HMCN2: variants seen among roughly 807,000 people sequenced by gnomAD.
The protein encoded by HMCN2 is hemicentin 2, also known as hemicentin-2.
A neutral mutation model predicts 377.5 loss-of-function variants in HMCN2; 325 were observed. The observed-to-expected ratio is 0.86, with a 90% CI of 0.79 to 0.94. The LOEUF is 0.94. Among genes scored for constraint, HMCN2 ranks in the 40% least tolerant of loss-of-function variants. HMCN2 has a pLI of 0.00. For missense variants in HMCN2, 4,543 were observed against 4,725.3 expected (o/e 0.96, Z 1.13); for synonymous variants, 2,007 against 2,046.8 (o/e 0.98, Z 0.53).
chr9:130,412,120 C>T (rs999609814), intron 85 of HMCN2, among the ~76,000 whole-genome samples: 14 of 151,736 alleles, frequency 9.2e-5, no homozygotes, highest in Non-Finnish European at 2.1e-4. Context: ...TATAGGCGCA[C>T]GCCACCACAC....
In HMCN2 at chr9:130,308,487, C is replaced by A. The variant is rs56163132; in HGVS notation, c.2200+921C>A. ...CTTTCTGGGAGCAGTACGCTGGGCT[C>A]CCTCTCGAGGGTCAACCGGGGTCAG... On this transcript the variant is annotated intron_variant, in intron 14 of 97. Transcript: ENST00000683500. This position sits in a 1 kb window ranked among gnomAD's most constrained non-coding sequence, Gnocchi z 4.1. Among the ~76,000 whole-genome samples, 5,305 of 152,218 alleles carry A rather than the reference C, an allele frequency of 0.035. 137 individuals carry two copies. Among genetic ancestry groups the A allele is most frequent in the Middle Eastern group, 0.099 (29 of 294 alleles).
chr9:130,293,351 T>C (rs934830517), intron 4 of HMCN2, among the ~76,000 whole-genome samples: 4 of 138,926 alleles, frequency 2.9e-5, no homozygotes, highest in Non-Finnish European at 6.1e-5. Flanking sequence ...CCGCCGGGTT[T>C]GGAATTCACT....
intron 70 of HMCN2, 25 bp downstream of exon 70, chr9:130,395,133 G>GGGGC: frequency 2.2e-6 from 1 of 453,798 alleles, no homozygotes; most frequent in Non-Finnish European, 3.9e-6. Flanking sequence ...TGGGGTGGGG[G>GGGGC]CAGGGCCGGG....
At position 130,371,051 on chromosome 9, in the gene HMCN2, T is replaced by C. The variant is rs2131596735; in HGVS notation, c.7157T>C (p.Met2386Thr). The C allele has an allele frequency of 2.0e-6, 2 of 985,920 alleles. No homozygotes were observed. The highest frequency in any genetic ancestry group is 4.7e-5 in the South Asian group (1 of 21,280). The allele number at this position is 985,920 out of a possible 1,614,324, so 61.1% of individuals were successfully genotyped here. The change falls in exon 46 of 98, where the codon ATG (methionine) becomes ACG (threonine). Residue 2386 changes from methionine (M) to threonine (T), a missense_variant. By Grantham distance (81) the Met-to-Thr change is moderately conservative. Around this residue, in one of 5 missense-constraint regions of HMCN2, gnomAD observed 1,032 missense variants for 1,285.1 expected, o/e 0.80. Coordinates refer to ENST00000683500, the MANE Select transcript of HMCN2 (RefSeq NM_001291815.2). ...HSPLTLLCEAMGIPPPAIRWF... is the reference protein window; with the variant it reads ...HSPLTLLCEATGIPPPAIRWF... ...CCCTTAACTCTGCTCTGTGAAGCCA[T>C]GGGGATCCCACCTCCAGCCATCCGC... is the stretch of plus-strand genomic sequence containing the variant.
At chr9:130,294,157 G>C (rs1554931071) in intron 4 of HMCN2, among the ~76,000 whole-genome samples, 2 of 152,156 alleles carry the variant, frequency 1.3e-5, no homozygotes, top group African/African-American at 4.8e-5. Context: ...GTATCTCTGA[G>C]GGAGTTTGGG....
chr9:130,408,144 T>C (rs1843201568), intron 83 of HMCN2, among the ~76,000 whole-genome samples: 1 of 152,238 alleles, frequency 6.6e-6, no homozygotes, highest in East Asian at 1.9e-4. Flanking sequence ...TGACAACGTG[T>C]CTTAGTTTGC....
At chr9:130,318,512 C>A (rs1485838634) in intron 15 of HMCN2, among the ~76,000 whole-genome samples, 2 of 152,136 alleles carry the variant, frequency 1.3e-5, no homozygotes, top group Non-Finnish European at 2.9e-5. Context: ...GAAATAACTT[C>A]TTTTTTTCTT....
chr9:130,395,327 C>G lies in HMCN2; in HGVS notation c.10891C>G (p.Arg3631Gly). 7.8e-7 allele frequency: 1 copy of G among 1,288,968 alleles called. No individual in the cohort carries two copies. 79.8% of individuals were successfully genotyped at this position (1,288,968 alleles called of 1,614,324 possible). A position where few individuals can be genotyped will look rare whatever the true frequency, so the allele number is the denominator to read the frequency against. ...AEPAPKITWH[R>G]DGIVLQEDAH... ...GCCAGCGCCCAAGATCACGTGGCAC[C>G]GAGACGGCATTGTGCTGCAGGTGGG... The change falls in exon 71 of 98, where the codon CGA (arginine) becomes GGA (glycine). Residue 3631 changes from arginine (R) to glycine (G), a missense_variant. Arg to Gly is a moderately radical substitution (Grantham distance 125). Transcript: ENST00000683500.
Position 130,395,972 on chromosome 9 carries a change from C to G in HMCN2, c.10960C>G (p.Gln3654Glu). 7.8e-7 allele frequency: 1 copy of G among 1,287,602 alleles called. No homozygotes were observed. The highest frequency in any genetic ancestry group is 1.0e-6 in the Non-Finnish European group (1 of 988,750). The allele number at this position is 1,287,602 out of a possible 1,614,324, so 79.8% of individuals were successfully genotyped here. A position where few individuals can be genotyped will look rare whatever the true frequency, so the allele number is the denominator to read the frequency against. The change falls in exon 72 of 98, where the codon CAG becomes GAG. Residue 3654 changes from glutamine to glutamate, a missense_variant. Around this residue, in one of 5 missense-constraint regions of HMCN2, gnomAD observed 1,073 missense variants for 1,319.5 expected, o/e 0.81. Transcript: ENST00000683500. ...GGAGCGGGGCAGGTTCCTCCAGCTG[C>G]AGGCCCTGAGCACGGCTGACAGCGG... ...FPERGRFLQL[Q>E]ALSTADSGDY...
At chr9:130,372,711 A>G (rs1241673145) in intron 47 of HMCN2, among the ~76,000 whole-genome samples, 1 of 152,230 alleles carries the variant, frequency 6.6e-6, no homozygotes, top group Non-Finnish European at 1.5e-5. Context: ...ACTCCAGCCC[A>G]GGTGACAAGA....
Position 130,396,315 on chromosome 9 carries a change from T to C in HMCN2, c.11198+2T>C. 7.9e-7 allele frequency: 1 copy of C among 1,266,502 alleles called. No homozygotes were observed. Among genetic ancestry groups the C allele is most frequent in the South Asian group, 1.2e-5 (1 of 80,304 alleles). 78.5% of individuals were successfully genotyped at this position (1,266,502 alleles called of 1,614,324 possible). A position where few individuals can be genotyped will look rare whatever the true frequency, so the allele number is the denominator to read the frequency against. ...CCCCCTGGATCCCAGGAGCCCCAGGTGGGAGAGGGAAGGGGTGGGCCTCAG... is the reference window on the plus strand; with the variant it reads ...CCCCCTGGATCCCAGGAGCCCCAGGCGGGAGAGGGAAGGGGTGGGCCTCAG... On this transcript the variant is annotated splice_donor_variant, in intron 73 of 97. Transcript: ENST00000683500. LOFTEE classifies it high-confidence loss of function.
rs762847064 is a variant in HMCN2, at chr9:130,422,829, G to C, written c.13381+103G>C. 2.0e-6 allele frequency: 2 copies of C among 999,132 alleles called. No individual in the cohort carries two copies. The highest frequency in any genetic ancestry group is 8.5e-5 in the Admixed American group (2 of 23,404). 61.9% of individuals were successfully genotyped at this position (999,132 alleles called of 1,614,324 possible). ...CTAGGAGGCGCAGAGCCTGTGCCCC[G>C]AGACTTGCTCAAGGCCTGATGACCA... On this transcript the variant is annotated intron_variant, in intron 87 of 97. Transcript: ENST00000683500. The surrounding 1 kb of genome is among the most constrained non-coding windows in gnomAD (Gnocchi z 4.2).
chr9:130,329,488 G>T (rs1838308521), intron 22 of HMCN2, among the ~76,000 whole-genome samples: 1 of 147,918 alleles, frequency 6.8e-6, no homozygotes, highest in Non-Finnish European at 1.5e-5. Flanking sequence ...CTGTTGCCAG[G>T]CTGGAGTGCA....
At chr9:130,348,717 A>C (rs1490533010) in intron 27 of HMCN2, 42 bp downstream of exon 27, 3 of 1,298,234 alleles carry the variant, frequency 2.3e-6, no homozygotes, top group Non-Finnish European at 3.0e-6. Context: ...GGTGGGATTT[A>C]GGCTGGGGAC....
rs75577613 is a variant in HMCN2, at chr9:130,351,112, A to T, written c.4431-311A>T. Among the ~76,000 whole-genome samples, 296 of 152,248 alleles carry T rather than the reference A, an allele frequency of 1.9e-3. 1 individual carries two copies. The highest frequency in any genetic ancestry group is 3.4e-3 in the Non-Finnish European group (234 of 68,020). On this transcript the variant is annotated intron_variant, in intron 29 of 97. Transcript: ENST00000683500. The surrounding 1 kb of genome is among the most constrained non-coding windows in gnomAD (Gnocchi z 5.4). ...GACGTGCCTGTTCTGGGTACTTCAC[A>T]TCACTGGCATCATAGAGTGTGTGGC...
chr9:130,373,364 T>C (rs1214093767), intron 48 of HMCN2, among the ~76,000 whole-genome samples: 1 of 151,866 alleles, frequency 6.6e-6, no homozygotes, highest in Non-Finnish European at 1.5e-5. Context: ...CCACAGGGAG[T>C]CCTTGGCTGG....
intron 18 of HMCN2, among the ~76,000 whole-genome samples, chr9:130,321,447 C>A (rs979806929): frequency 9.9e-5 from 15 of 152,274 alleles, no homozygotes. Flanking sequence ...GTCCCTGTGT[C>A]CTGCAGGCTG....
At chr9:130,282,642 T>A (rs1459939980) in intron 1 of HMCN2, among the ~76,000 whole-genome samples, 3 of 152,202 alleles carry the variant, frequency 2.0e-5, no homozygotes, top group African/African-American at 7.2e-5. Flanking sequence ...CCTCGATCAT[T>A]GTGAGGCATG....
Position 130,388,468 on chromosome 9 carries a change from C to G in HMCN2, c.9451C>G (p.Leu3151Val). 1 of 988,060 alleles carries G rather than the reference C, an allele frequency of 1.0e-6. No homozygotes were observed. Among genetic ancestry groups the G allele is most frequent in the Non-Finnish European group, 1.2e-6 (1 of 830,130 alleles). 61.2% of individuals were successfully genotyped at this position (988,060 alleles called of 1,614,324 possible). A position where few individuals can be genotyped will look rare whatever the true frequency, so the allele number is the denominator to read the frequency against. The change falls in exon 62 of 98, where the codon CTG (leucine) becomes GTG (valine). Residue 3151 changes from leucine to valine, a missense_variant. By Grantham distance (32) the Leu-to-Val change is conservative. Coordinates refer to ENST00000683500, the MANE Select transcript of HMCN2 (RefSeq NM_001291815.2). ...ETVSQVAGSP[L>V]VLTCDVSGVP... is the part of the protein sequence containing the mutation. ...AGTGAGCCAGGTGGCTGGGAGCCCCCTGGTCCTGACCTGTGATGTGTCCGG... is the reference window on the plus strand; with the variant it reads ...AGTGAGCCAGGTGGCTGGGAGCCCCGTGGTCCTGACCTGTGATGTGTCCGG...
Sources: allele counts gnomAD v4.1 joint callset (sites outside exome capture counted in the v4.1 genomes callset), GRCh38; gene constraint gnomAD v4.1.1; regional missense constraint gnomAD v4.1.1; non-coding constraint Gnocchi (gnomAD v3.1); transcripts MANE v1.5; gene names NCBI Gene and HGNC (gene_info 2026-07-23, HGNC 2026-07-21).